SPPL3: variants seen among roughly 807,000 people sequenced by gnomAD.
SPPL3 encodes the protein signal peptide peptidase like 3.
In SPPL3, 5 loss-of-function variants were observed where a neutral mutation model predicts 42.4. The observed-to-expected ratio is 0.12, with a 90% CI of 0.06 to 0.25. SPPL3 has a LOEUF of 0.25. Ranked by LOEUF, SPPL3 falls within the 10% of genes least tolerant of loss-of-function variation. The pLI, the probability that SPPL3 is intolerant of heterozygous loss-of-function variation, is 1.00. For synonymous variants in SPPL3, 195 were observed against 181.8 expected (o/e 1.07, Z -0.58); for missense variants, 235 against 489.0 (o/e 0.48, Z 4.90).
In SPPL3 at chr12:120,784,030, T is replaced by C. The variant is rs191656341; in HGVS notation, c.311-278A>G. Among the ~76,000 whole-genome samples the C allele has an allele frequency of 4.2e-4, 64 of 152,346 alleles. 1 individual carries two copies. The highest frequency in any genetic ancestry group is 3.4e-3 in the Middle Eastern group (1 of 294). On this transcript the variant is annotated intron_variant, in intron 4 of 10. Coordinates refer to ENST00000353487, the MANE Select transcript of SPPL3 (RefSeq NM_139015.5). ...TTGTAGCATTTTGCCGATTTTTTTTTACATTTCCATCAATACTTAGCTTGA... is the reference window on the plus strand; with the variant it reads ...TTGTAGCATTTTGCCGATTTTTTTTCACATTTCCATCAATACTTAGCTTGA...
chr12:120,818,890 A>G (rs1371039599), intron 1 of SPPL3, among the ~76,000 whole-genome samples: 1 of 152,242 alleles, frequency 6.6e-6, no homozygotes, highest in Non-Finnish European at 1.5e-5. Flanking sequence ...GCAAATATCT[A>G]TTTTCCAAAA....
At chr12:120,836,509 A>G (rs897254616) in intron 1 of SPPL3, among the ~76,000 whole-genome samples, 1 of 152,216 alleles carries the variant, frequency 6.6e-6, no homozygotes, top group African/African-American at 2.4e-5. Flanking sequence ...CAGTGCTGGT[A>G]GAGTCCGGCA....
At chr12:120,901,428 T>C (rs1873977877) in intron 1 of SPPL3, among the ~76,000 whole-genome samples, 1 of 151,100 alleles carries the variant, frequency 6.6e-6, no homozygotes, top group Non-Finnish European at 1.5e-5. Context: ...CCATCTCTAC[T>C]AAAAATACAA....
intron 6 of SPPL3, among the ~76,000 whole-genome samples, chr12:120,771,918 C>G (rs1286219217): frequency 6.6e-6 from 1 of 152,258 alleles, no homozygotes; most frequent in East Asian, 1.9e-4. Flanking sequence ...CCAGAAGGTC[C>G]TGCCCCCGGC....
At chr12:120,836,427 G>A (rs183079578) in intron 1 of SPPL3, among the ~76,000 whole-genome samples, 3 of 152,142 alleles carry the variant, frequency 2.0e-5, no homozygotes, top group Admixed American at 1.3e-4. Context: ...TTGTGGGGAG[G>A]AGCACTTAGA....
At chr12:120,767,361 G>A (rs1283930915) in intron 9 of SPPL3, 33 bp downstream of exon 9, 7 of 1,598,162 alleles carry the variant, frequency 4.4e-6, no homozygotes, top group Non-Finnish European at 3.4e-6. Context: ...CAGCCAGAGC[G>A]AGGATCATCT....
At chr12:120,844,119 T>C (rs1483836982) in intron 1 of SPPL3, among the ~76,000 whole-genome samples, 2 of 152,208 alleles carry the variant, frequency 1.3e-5, no homozygotes, top group African/African-American at 2.4e-5. Flanking sequence ...ATAGGTATCT[T>C]AAACTTAAAA....
chr12:120,879,113 C>CAAAAA (rs63543261), intron 1 of SPPL3, among the ~76,000 whole-genome samples: 7 of 65,112 alleles, frequency 1.1e-4, no homozygotes, highest in Non-Finnish European at 1.6e-4. Flanking sequence ...AACTCTGTCT[C>CAAAAA]AAAAAAAAAA....
intron 1 of SPPL3, among the ~76,000 whole-genome samples, chr12:120,891,632 A>C (rs1231360608): frequency 1.3e-5 from 2 of 151,858 alleles, no homozygotes; most frequent in African/African-American, 2.4e-5. Flanking sequence ...TTCAAAAGCT[A>C]GTTTACATAC....
intron 1 of SPPL3, among the ~76,000 whole-genome samples, chr12:120,823,310 T>C (rs1002461481): frequency 4.6e-5 from 7 of 152,048 alleles, no homozygotes; most frequent in African/African-American, 1.7e-4. Flanking sequence ...GGGATCTGGC[T>C]GTATTTGCCG....
At chr12:120,819,228 G>A (rs1369783479) in intron 1 of SPPL3, among the ~76,000 whole-genome samples, 10 of 151,742 alleles carry the variant, frequency 6.6e-5, no homozygotes, top group Admixed American at 5.9e-4. Flanking sequence ...GGATTTTTTT[G>A]AATTTTACTA....
intron 9 of SPPL3, among the ~76,000 whole-genome samples, chr12:120,766,748 C>T (rs1371958275): frequency 6.6e-6 from 1 of 152,236 alleles, no homozygotes; most frequent in African/African-American, 2.4e-5. Context: ...TTCCACCTCT[C>T]TGAGCCTCAG....
intron 1 of SPPL3, among the ~76,000 whole-genome samples, chr12:120,866,333 C>T (rs1593002841): frequency 1.3e-5 from 2 of 151,486 alleles, no homozygotes; most frequent in Admixed American, 1.3e-4. Flanking sequence ...CTAGACTATA[C>T]ATCATAAACT....
At chr12:120,806,879 G>C (rs1294619928) in intron 2 of SPPL3, among the ~76,000 whole-genome samples, 1 of 141,196 alleles carries the variant, frequency 7.1e-6, no homozygotes, top group Non-Finnish European at 1.5e-5. Flanking sequence ...GAAAACATAG[G>C]AGAAAATCCT....
chr12:120,852,335 T>C (rs1240450531), intron 1 of SPPL3, among the ~76,000 whole-genome samples: 1 of 146,304 alleles, frequency 6.8e-6, no homozygotes, highest in Non-Finnish European at 1.5e-5. Flanking sequence ...TATATATTAA[T>C]TTATATATAC....
At chr12:120,774,882 A>T (rs909674742) in intron 6 of SPPL3, among the ~76,000 whole-genome samples, 3 of 152,160 alleles carry the variant, frequency 2.0e-5, no homozygotes, top group African/African-American at 7.2e-5. Context: ...GGTTAAATGT[A>T]CATTAACCAA....
intron 1 of SPPL3, among the ~76,000 whole-genome samples, chr12:120,880,102 T>G (rs1034404825): frequency 3.3e-5 from 5 of 151,146 alleles, no homozygotes; most frequent in African/African-American, 1.2e-4. Flanking sequence ...CTCACACCAC[T>G]CAACAGGCTA....
intron 1 of SPPL3, among the ~76,000 whole-genome samples, chr12:120,811,920 T>C (rs1870694347): frequency 6.6e-6 from 1 of 151,970 alleles, no homozygotes; most frequent in Admixed American, 6.6e-5. Flanking sequence ...AAGTATAGGG[T>C]ACTATGATAA....
intron 1 of SPPL3, among the ~76,000 whole-genome samples, chr12:120,825,363 T>C (rs1871205652): frequency 6.6e-6 from 1 of 152,196 alleles, no homozygotes; most frequent in Non-Finnish European, 1.5e-5. Flanking sequence ...ACCTGATGTA[T>C]TCAGAGAAAA....
Sources: allele counts gnomAD v4.1 joint callset (sites outside exome capture counted in the v4.1 genomes callset), GRCh38; gene constraint gnomAD v4.1.1; transcripts MANE v1.5; gene names NCBI Gene and HGNC (gene_info 2026-07-23, HGNC 2026-07-21).